The following RABGAP1 variants were observed in gnomAD, a reference collection of about 807,000 sequenced individuals.
The protein encoded by RABGAP1 is rab GTPase-activating protein 1.
Under a neutral mutation model 137.6 loss-of-function variants are expected in RABGAP1, and 23 were observed. The ratio of observed to expected loss-of-function variants is 0.17; its 90% CI spans 0.12 to 0.24. The LOEUF is 0.24. Among genes scored for constraint, RABGAP1 ranks in the 10% least tolerant of loss-of-function variants. The pLI, the probability that RABGAP1 is intolerant of heterozygous loss-of-function variation, is 1.00. For missense variants in RABGAP1, 906 were observed against 1,275.8 expected (o/e 0.71, Z 4.42); for synonymous variants, 451 against 450.7 (o/e 1.00, Z -0.01).
chr9:123,095,710 A>G (rs2035163948), intron 21 of RABGAP1, among the ~76,000 whole-genome samples: 2 of 146,866 alleles, frequency 1.4e-5, no homozygotes, highest in South Asian at 4.3e-4. Context: ...TCTTTGAAGA[A>G]AAAAAAAAAA....
chr9:123,030,393 A>G (rs2032231857), intron 13 of RABGAP1, among the ~76,000 whole-genome samples: 1 of 152,220 alleles, frequency 6.6e-6, no homozygotes, highest in Non-Finnish European at 1.5e-5. Flanking sequence ...TATAAAGAAG[A>G]AAGATTTTTT....
chr9:122,989,917 A>C (rs1836579007), intron 5 of RABGAP1, 139 bp from the exon 6 acceptor site: 1 of 1,026,128 alleles, frequency 9.7e-7, no homozygotes, highest in African/African-American at 1.6e-5. Flanking sequence ...TTATAGGCCT[A>C]ACAAATTAGG....
chr9:122,944,112 A>G (rs1833786674), intron 1 of RABGAP1, among the ~76,000 whole-genome samples: 1 of 152,198 alleles, frequency 6.6e-6, no homozygotes, highest in African/African-American at 2.4e-5. Flanking sequence ...TATCTTTGTA[A>G]AAACACTGGT....
intron 19 of RABGAP1, 90 bp from the exon 20 acceptor site, chr9:123,089,668 G>C (rs1265197804): frequency 6.2e-6 from 6 of 972,710 alleles, no homozygotes; most frequent in Non-Finnish European, 9.3e-6. Flanking sequence ...AGATTGCCCA[G>C]GCCACCAGAA....
intron 2 of RABGAP1, among the ~76,000 whole-genome samples, chr9:122,960,257 A>C (rs1434063377): frequency 6.6e-6 from 1 of 152,226 alleles, no homozygotes; most frequent in Non-Finnish European, 1.5e-5. Flanking sequence ...AAAGATACCC[A>C]AGTTTGATTG....
At chr9:123,015,362 T>C (rs977029490) in intron 11 of RABGAP1, among the ~76,000 whole-genome samples, 181 bp from the exon 12 acceptor site, 12 of 150,926 alleles carry the variant, frequency 8.0e-5, no homozygotes, top group African/African-American at 2.9e-4. Context: ...TTAAAGAGGT[T>C]ACAGCATTTT....
At chr9:122,985,335 C>G (rs987599548) in intron 3 of RABGAP1, among the ~76,000 whole-genome samples, 1 of 152,170 alleles carries the variant, frequency 6.6e-6, no homozygotes, top group Non-Finnish European at 1.5e-5. Context: ...GACAGTTAGG[C>G]CGGGCGCAGT....
Position 122,957,116 on chromosome 9 carries a change from T to C in RABGAP1, c.57T>C (p.Thr19=). ...KISVSSDSVS[T]LNSEDFVLVS... is the part of the protein sequence containing the mutation. ...GTGTCTCTTCAGACTCAGTATCTAC[T>C]CTTAATAGTGAAGATTTTGTCTTGG... The change falls in exon 2 of 26, where the codon ACT becomes ACC. Residue 19 remains threonine (T), a synonymous_variant. Coordinates refer to ENST00000373647, the MANE Select transcript of RABGAP1 (RefSeq NM_012197.4). 6.4e-7 allele frequency: 1 copy of C among 1,574,176 alleles called. No individual in the cohort carries two copies. Among genetic ancestry groups the C allele is most frequent in the African/African-American group, 1.3e-5 (1 of 74,742 alleles).
intron 13 of RABGAP1, among the ~76,000 whole-genome samples, chr9:123,044,640 TG>T (rs2033122070): frequency 1.3e-5 from 2 of 151,898 alleles, no homozygotes; most frequent in Non-Finnish European, 2.9e-5. Context: ...TGTGTGTGTG[TG>T]TGTGTGTGTG....
chr9:123,051,201 A>T (rs1279688334), intron 13 of RABGAP1, among the ~76,000 whole-genome samples: 8 of 57,166 alleles, frequency 1.4e-4, no homozygotes, highest in East Asian at 1.2e-3. Flanking sequence ...ACATGTTGTG[A>T]TTTTATTCAC....
intron 1 of RABGAP1, among the ~76,000 whole-genome samples, chr9:122,947,690 A>G (rs901336341): frequency 3.3e-5 from 5 of 152,154 alleles, no homozygotes; most frequent in African/African-American, 1.2e-4. Context: ...GTTTTAGATA[A>G]GCTAGTTTTT....
At chr9:123,101,800 T>C in intron 25 of RABGAP1, 37 bp downstream of exon 25, 1 of 1,535,116 alleles carries the variant, frequency 6.5e-7, no homozygotes, top group East Asian at 2.3e-5. Flanking sequence ...GCCTGCGGGC[T>C]GGGTTTCCTG....
chr9:122,994,440 CA>C (rs1836913983), intron 6 of RABGAP1, among the ~76,000 whole-genome samples: 2 of 152,140 alleles, frequency 1.3e-5, no homozygotes, highest in South Asian at 4.1e-4. Context: ...AACTCTGTCA[CA>C]AATATTTAAC....
intron 14 of RABGAP1, among the ~76,000 whole-genome samples, chr9:123,069,575 TAAA>T (rs11319313): frequency 6.9e-6 from 1 of 145,434 alleles, no homozygotes; most frequent in Non-Finnish European, 1.5e-5. Flanking sequence ...CTGTCTCTAT[TAAA>T]AAAAAAAAAA....
intron 2 of RABGAP1, among the ~76,000 whole-genome samples, chr9:122,961,407 A>G (rs1834845196): frequency 6.6e-6 from 1 of 152,240 alleles, no homozygotes; most frequent in Non-Finnish European, 1.5e-5. Flanking sequence ...CTGTTAACCA[A>G]CAATTCTATG....
intron 22 of RABGAP1, among the ~76,000 whole-genome samples, chr9:123,098,453 G>T (rs2035248820): frequency 6.6e-6 from 1 of 152,244 alleles, no homozygotes; most frequent in African/African-American, 2.4e-5. Flanking sequence ...AGGTTGGCTT[G>T]TACTGGCAGG....
chr9:123,002,724 T>C (rs1356994327), intron 10 of RABGAP1, among the ~76,000 whole-genome samples: 1 of 152,088 alleles, frequency 6.6e-6, no homozygotes, highest in Non-Finnish European at 1.5e-5. Context: ...TACAGTATGT[T>C]ATTCAAATAA....
intron 20 of RABGAP1, 48 bp downstream of exon 20, chr9:123,089,898 T>A: frequency 6.7e-7 from 1 of 1,492,752 alleles, no homozygotes; most frequent in Non-Finnish European, 9.3e-7. Flanking sequence ...TGCTTTCATT[T>A]CATATGATTG....
chr9:122,941,271 AG>A (rs1225995759), intron 1 of RABGAP1, among the ~76,000 whole-genome samples, 178 bp downstream of exon 1: 1 of 150,366 alleles, frequency 6.7e-6, no homozygotes, highest in Non-Finnish European at 1.5e-5. Context: ...GATTGGGGGG[AG>A]GGGGAACTGC....
Sources: gnomAD v4.1 joint callset for allele counts (sites outside exome capture counted in the v4.1 genomes callset) on GRCh38, gnomAD v4.1.1 for gene constraint, MANE v1.5 for transcripts, NCBI Gene and HGNC (gene_info 2026-07-23, HGNC 2026-07-21) for gene names.